The following HNRNPM variants were observed in gnomAD, a reference collection of about 807,000 sequenced individuals.
The protein encoded by HNRNPM is CEA receptor.
In HNRNPM, 11 loss-of-function variants were observed where a neutral mutation model predicts 73.1. That is an observed-to-expected ratio of 0.15 (90% CI 0.09 to 0.25). The LOEUF (loss-of-function observed/expected upper bound fraction) is 0.25. Among genes scored for constraint, HNRNPM ranks in the 10% least tolerant of loss-of-function variants. The pLI, the probability that HNRNPM is intolerant of heterozygous loss-of-function variation, is 1.00. For missense variants in HNRNPM, 789 were observed against 1,067.9 expected, an observed-to-expected ratio of 0.74 and a Z score of 3.64; for synonymous variants, 407 against 355.2, an observed-to-expected ratio of 1.15 and a Z score of -1.64.
intron 9 of HNRNPM, among the ~76,000 whole-genome samples, chr19:8,470,276 C>T (rs1417172545): frequency 6.6e-6 from 1 of 152,198 alleles, no homozygotes; most frequent in African/African-American, 2.4e-5. Flanking sequence ...GAAGTGGTGG[C>T]AGGTTTTATT....
At chr19:8,478,593 T>G (rs1408564698) in intron 12 of HNRNPM, among the ~76,000 whole-genome samples, 3 of 152,230 alleles carry the variant, frequency 2.0e-5, no homozygotes, top group African/African-American at 7.2e-5. Context: ...CAGCTGGTTT[T>G]TTTTAAGCTT....
chr19:8,461,637 TG>T (rs1969404519), intron 2 of HNRNPM, among the ~76,000 whole-genome samples: 1 of 152,250 alleles, frequency 6.6e-6, no homozygotes, highest in Non-Finnish European at 1.5e-5. Flanking sequence ...TGAAATGCTT[TG>T]GTTTTTTCCC....
intron 11 of HNRNPM, 43 bp from the exon 12 acceptor site, chr19:8,474,124 G>A: frequency 7.1e-7 from 1 of 1,407,854 alleles, no homozygotes; most frequent in South Asian, 1.3e-5. Context: ...CTTAGTCTAA[G>A]CAGTCTTGTT....
rs370937476 is a variant in HNRNPM at position 8,485,990 on chromosome 19, C to G, written c.1562C>G (p.Ala521Gly). The G allele has an allele frequency of 1.2e-6, 2 of 1,600,808 alleles. No homozygotes were observed. The highest frequency in any genetic ancestry group is 1.1e-5 in the South Asian group (1 of 90,920). The change falls in exon 14 of 16, where the codon GCC becomes GGC. Residue 521 changes from alanine to glycine, a missense_variant. Physicochemically the swap from Ala to Gly is moderately conservative, Grantham distance 60. Transcript: ENST00000325495. ...MGSGVERMGP[A>G]IERMGLSMER... ...TCTGGCGTGGAGCGCATGGGCCCTGCCATCGAGCGCATGGGCCTGAGCATG... is the reference window on the plus strand; with the variant it reads ...TCTGGCGTGGAGCGCATGGGCCCTGGCATCGAGCGCATGGGCCTGAGCATG...
rs940596630 is a variant in HNRNPM, at chr19:8,462,878, T to C, written c.336+297T>C. Among the ~76,000 whole-genome samples, 1 of 152,216 alleles carries C rather than the reference T, an allele frequency of 6.6e-6. No individual in the cohort carries two copies. The highest frequency in any genetic ancestry group is 2.4e-5 in the African/African-American group (1 of 41,450). On this transcript the variant is annotated intron_variant, in intron 3 of 15. Transcript: ENST00000325495. The surrounding 1 kb of genome is among the most constrained non-coding windows in gnomAD (Gnocchi z 4.5). ...AGAGGAATTGGCTGTGTGTGAATTATGCATGGAATTTTAGCGGTGGTATAA... is the reference window on the plus strand; with the variant it reads ...AGAGGAATTGGCTGTGTGTGAATTACGCATGGAATTTTAGCGGTGGTATAA...
intron 12 of HNRNPM, among the ~76,000 whole-genome samples, chr19:8,478,371 G>T (rs1478810990): frequency 6.6e-6 from 1 of 152,140 alleles, no homozygotes; most frequent in Non-Finnish European, 1.5e-5. Context: ...TCCTGGAAAG[G>T]CCTAGGGTGA....
intron 7 of HNRNPM, among the ~76,000 whole-genome samples, chr19:8,467,028 T>C (rs1268059390): frequency 6.6e-6 from 1 of 152,020 alleles, no homozygotes; most frequent in East Asian, 1.9e-4. Context: ...TCATGTGTAA[T>C]ACATCCTTAT....
chr19:8,483,216 GA>G lies in HNRNPM; in HGVS notation c.1174+7del. The G allele has an allele frequency of 6.2e-7, 1 of 1,607,988 alleles. No homozygotes were observed. Among genetic ancestry groups the G allele is most frequent in the Non-Finnish European group, 8.5e-7 (1 of 1,174,520 alleles). On this transcript the variant is annotated splice_donor_region_variant and intron_variant, in intron 13 of 15. Coordinates refer to ENST00000325495, the MANE Select transcript of HNRNPM (RefSeq NM_005968.5). ...TCATTGCAAAGCAGGGAGGAGGTAG[GA>G]ACCGCTTAGTTTGATGTTTTGTTTT... is the stretch of plus-strand genomic sequence containing the variant.
rs1440292491 is a variant in HNRNPM, at chr19:8,445,010, G to A, written c.12G>A (p.Gly4=). 1.4e-6 allele frequency: 2 copies of A among 1,424,480 alleles called. No homozygotes were observed. Among genetic ancestry groups the A allele is most frequent in the South Asian group, 1.6e-5 (1 of 63,260 alleles). The allele number at this position is 1,424,480 out of a possible 1,614,324, so 88.2% of individuals were successfully genotyped here. The stretch of plus-strand genomic sequence containing the variant: ...CAGACGCGGAGAAAATGGCGGCAGG[G>A]GTCGAAGCGGCGGCGGAGGTGGCGG... MAA[G]VEAAAEVAAT... The change falls in exon 1 of 16, where the codon GGG becomes GGA. Residue 4 remains glycine, a synonymous_variant. Transcript: ENST00000325495.
At chr19:8,480,293 G>A (rs537942075) in intron 12 of HNRNPM, among the ~76,000 whole-genome samples, 1 of 143,236 alleles carries the variant, frequency 7.0e-6, no homozygotes, top group African/African-American at 2.6e-5. Flanking sequence ...GCAGTGAGCC[G>A]AGGTCAAACC....
chr19:8,486,483 CAG>C, intron 14 of HNRNPM, 78 bp downstream of exon 14: 1 of 1,296,422 alleles, frequency 7.7e-7, no homozygotes, highest in African/African-American at 1.5e-5. Flanking sequence ...AGGATGAAGT[CAG>C]AGGTGGCGCC....
intron 10 of HNRNPM, among the ~76,000 whole-genome samples, chr19:8,472,905 T>TCTAC (rs1491303969): frequency 9.2e-5 from 14 of 152,154 alleles, no homozygotes; most frequent in African/African-American, 3.4e-4. Flanking sequence ...TTAAAAAAAA[T>TCTAC]CTACTTCTGT....
chr19:8,459,967 C>T (rs1599770740), intron 2 of HNRNPM, among the ~76,000 whole-genome samples: 1 of 152,124 alleles, frequency 6.6e-6, no homozygotes. Context: ...GTCTTAGCAG[C>T]CTACTCTTGG....
Position 8,463,755 on chromosome 19 carries a change from A to T in HNRNPM, c.438+69A>T, listed in dbSNP as rs76261832. 1.1e-3 allele frequency: 1,235 copies of T among 1,078,624 alleles called. 11 individuals carry two copies. The African/African-American group carries it at 0.017, about 15-fold the overall frequency. The allele number at this position is 1,078,624 out of a possible 1,614,324, so 66.8% of individuals were successfully genotyped here. A position where few individuals can be genotyped will look rare whatever the true frequency, so the allele number is the denominator to read the frequency against. On this transcript the variant is annotated intron_variant, in intron 5 of 15. Transcript: ENST00000325495. ...AGTGATCCTACTTTGGAATTAGGGA[A>T]AGACGGTCATGGTCCCAGACGGCAT...
chr19:8,480,957 T>G (rs1472185833), intron 12 of HNRNPM, among the ~76,000 whole-genome samples: 1 of 152,222 alleles, frequency 6.6e-6, no homozygotes, highest in Non-Finnish European at 1.5e-5. Flanking sequence ...GCCGCTGTGA[T>G]CAGACCTACA....
At chr19:8,481,010 G>T (rs981182852) in intron 12 of HNRNPM, among the ~76,000 whole-genome samples, 2 of 152,170 alleles carry the variant, frequency 1.3e-5, no homozygotes, top group African/African-American at 2.4e-5. Context: ...GGTTGGGTTG[G>T]TTTTTCAAGA....
intron 10 of HNRNPM, among the ~76,000 whole-genome samples, chr19:8,472,969 A>G (rs780196659): frequency 7.2e-5 from 11 of 152,194 alleles, no homozygotes; most frequent in Admixed American, 2.0e-4. Context: ...TTATAATTCT[A>G]TTTCATGTTT....
intron 9 of HNRNPM, among the ~76,000 whole-genome samples, chr19:8,469,878 G>T (rs546384880): frequency 3.3e-5 from 5 of 152,244 alleles, no homozygotes; most frequent in African/African-American, 7.2e-5. Context: ...CCTTTGCAGC[G>T]TAGCATTATG....
In HNRNPM at chr19:8,486,211, G is replaced by A. The variant is rs761146065; in HGVS notation, c.1783G>A (p.Ala595Thr). The A allele has an allele frequency of 1.6e-5, 25 of 1,587,694 alleles. No individual in the cohort carries two copies. Among genetic ancestry groups the A allele is most frequent in the East Asian group, 4.5e-5 (2 of 44,454 alleles). Residue 595 changes from alanine to threonine, a missense_variant, in exon 14 of 16, where the codon GCC becomes ACC. By Grantham distance (58) the Ala-to-Thr change is moderately conservative. Transcript: ENST00000325495. ...GANSLERMGP[A>T]MGPALGAGIE... ...CAACAGCCTCGAGCGCATGGGCCCT[G>A]CCATGGGCCCGGCCCTGGGCGCTGG...
Sources: gnomAD v4.1 joint callset for allele counts (sites outside exome capture counted in the v4.1 genomes callset) on GRCh38, gnomAD v4.1.1 for gene constraint, Gnocchi (gnomAD v3.1) non-coding constraint, MANE v1.5 for transcripts, NCBI Gene and HGNC (gene_info 2026-07-23, HGNC 2026-07-21) for gene names.